The following CD164 variants were observed in gnomAD, a reference collection of about 807,000 sequenced individuals.
CD164 encodes CD164 molecule.
Under a neutral mutation model 24.6 loss-of-function variants are expected in CD164, and 11 were observed. That is an observed-to-expected ratio of 0.45 (90% CI 0.28 to 0.74). The LOEUF (loss-of-function observed/expected upper bound fraction) is 0.74, where lower values mean the gene tolerates loss of function less well. Ranked by LOEUF, CD164 falls within the 30% of genes least tolerant of loss-of-function variation. The probability of loss-of-function intolerance (pLI) is 0.13; values close to 1 mark genes in which losing one functional copy is unlikely to be tolerated. For synonymous variants in CD164, 126 were observed against 100.3 expected (o/e 1.26, Z -1.53); for missense variants, 295 against 243.7 (o/e 1.21, Z -1.40).
In CD164 at chr6:109,379,559, G is replaced by A. The variant is rs142190227; in HGVS notation, c.259+20C>T. 4 of 1,549,386 alleles carry A rather than the reference G, an allele frequency of 2.6e-6. No homozygotes were observed. Among genetic ancestry groups the A allele is most frequent in the Non-Finnish European group, 3.5e-6 (4 of 1,130,372 alleles). The stretch of plus-strand genomic sequence containing the variant: ...TAAAATGCTATAACAAAACAGTTTT[G>A]CATCCCCAAAGTTTCTTACCTTTAC... On this transcript the variant is annotated intron_variant, in intron 2 of 5. Transcript: ENST00000310786.
At chr6:109,375,882 T>C (rs1771377597) in intron 4 of CD164, 192 bp downstream of exon 4, 4 of 538,630 alleles carry the variant, frequency 7.4e-6, no homozygotes, top group Admixed American at 7.9e-5. Context: ...TCACCGACTA[T>C]AAAACACTGG....
intron 4 of CD164, chr6:109,372,300 A>G (rs1413140208): frequency 6.6e-6 from 1 of 152,190 alleles, no homozygotes; most frequent in African/African-American, 2.4e-5. Flanking sequence ...AAATACCTGA[A>G]TTGTTGCTAA....
At chr6:109,381,148 T>C (rs1332492176) in intron 1 of CD164, among the ~76,000 whole-genome samples, 2 of 152,236 alleles carry the variant, frequency 1.3e-5, no homozygotes. Flanking sequence ...TAACCAATCA[T>C]ACGAGACTGC....
At position 109,369,351 on chromosome 6, in the gene CD164, G is replaced by T. The variant is rs577085903; in HGVS notation, c.428-334C>A. 4.9e-4 allele frequency among the ~76,000 whole-genome samples: 75 copies of T among 152,292 alleles called. No individual in the cohort carries two copies. In the South Asian group the frequency reaches 0.013, roughly 26 times the overall value. ...TCAGACTATGTACTTTTAGTTAATT[G>T]TGAGTGTAAACGTCAATAGTGCTGA... On this transcript the variant is annotated intron_variant, in intron 5 of 5. Transcript: ENST00000310786.
Position 109,367,004 on chromosome 6 carries a change from T to G in CD164, c.*1847A>C, listed in dbSNP as rs2115133995. On this transcript the variant is annotated 3_prime_UTR_variant, in exon 6 of 6. Transcript: ENST00000310786. ...GACAATTACATCAGTATAGCTAATT[T>G]TTGCCACCTTGGGAGGAATGGAATT... 1 of 152,418 alleles carries G rather than the reference T, an allele frequency of 6.6e-6. No individual in the cohort carries two copies. Among genetic ancestry groups the G allele is most frequent in the Non-Finnish European group, 1.5e-5 (1 of 68,014 alleles). The allele number at this position is 152,418 out of a possible 1,614,324, so 9.4% of individuals were successfully genotyped here. A position where few individuals can be genotyped will look rare whatever the true frequency, so the allele number is the denominator to read the frequency against.
chr6:109,379,208 G>C (rs1562243066), intron 2 of CD164, among the ~76,000 whole-genome samples: 1 of 152,106 alleles, frequency 6.6e-6, no homozygotes, highest in African/African-American at 2.4e-5. Flanking sequence ...TCAATCCTTA[G>C]AACAGGCTTT....
Position 109,382,425 on chromosome 6 carries a change from C to CT in CD164, c.-48dup. 2 of 1,458,172 alleles carry CT rather than the reference C, an allele frequency of 1.4e-6. No homozygotes were observed. The highest frequency in any genetic ancestry group is 1.8e-6 in the Non-Finnish European group (2 of 1,099,218). 90.3% of individuals were successfully genotyped at this position (1,458,172 alleles called of 1,614,324 possible). Reference sequence around the variant, plus strand: ...CGGGAGAAAGCTAAGGCTCGCAACGCTCAGTCAACCCCTCAATCCCCTGCG... The same window carrying CT: ...CGGGAGAAAGCTAAGGCTCGCAACGCTTCAGTCAACCCCTCAATCCCCTGCG... On this transcript the variant is annotated 5_prime_UTR_variant, in exon 1 of 6. Coordinates refer to ENST00000310786, the MANE Select transcript of CD164 (RefSeq NM_006016.6).
At chr6:109,373,599 C>A (rs78529871) in intron 4 of CD164, among the ~76,000 whole-genome samples, 1 of 152,194 alleles carries the variant, frequency 6.6e-6, no homozygotes, top group Non-Finnish European at 1.5e-5. Flanking sequence ...CAAGAGTGAA[C>A]CCAGTTCTCA....
chr6:109,381,073 A>G (rs1394399144), intron 1 of CD164, among the ~76,000 whole-genome samples: 1 of 152,258 alleles, frequency 6.6e-6, no homozygotes, highest in Non-Finnish European at 1.5e-5. Flanking sequence ...ACACTTCGGC[A>G]TTCTTCGGTC....
chr6:109,378,125 C>T (rs1335926289), intron 2 of CD164, among the ~76,000 whole-genome samples, 154 bp from the exon 3 acceptor site: 1 of 152,190 alleles, frequency 6.6e-6, no homozygotes, highest in Non-Finnish European at 1.5e-5. Flanking sequence ...GTTAAACCCA[C>T]AGACCAAACC....
At chr6:109,373,144 T>G (rs570176287) in intron 4 of CD164, among the ~76,000 whole-genome samples, 2 of 152,164 alleles carry the variant, frequency 1.3e-5, no homozygotes, top group South Asian at 4.1e-4. Flanking sequence ...CCCATCAGAG[T>G]AACAGGTTAC....
At chr6:109,375,381 C>G (rs1284330640) in intron 4 of CD164, among the ~76,000 whole-genome samples, 2 of 151,838 alleles carry the variant, frequency 1.3e-5, no homozygotes, top group Admixed American at 6.6e-5. Context: ...CTTTGGGAGT[C>G]TGAGGTAGGC....
chr6:109,380,619 AAAAAC>A (rs1376313255), intron 1 of CD164: 1 of 152,266 alleles, frequency 6.6e-6, no homozygotes, highest in Non-Finnish European at 1.5e-5. Context: ...CATGCTGTTT[AAAAAC>A]CTTTGTGCTT....
At chr6:109,374,700 G>T (rs1771295860) in intron 4 of CD164, among the ~76,000 whole-genome samples, 1 of 152,252 alleles carries the variant, frequency 6.6e-6, no homozygotes, top group South Asian at 2.1e-4. Flanking sequence ...TGAGCAACTG[G>T]TGATGGACCA....
In CD164 at chr6:109,368,461, C is replaced by A; in HGVS notation, c.*390G>T. ...CCACCTAATTGATTCTCATTTGGCACGTTCTTCTCAATTCTGTTCACTAAA... is the reference window on the plus strand; with the variant it reads ...CCACCTAATTGATTCTCATTTGGCAAGTTCTTCTCAATTCTGTTCACTAAA... On this transcript the variant is annotated 3_prime_UTR_variant, in exon 6 of 6. Transcript: ENST00000310786. 1 of 1,385,390 alleles carries A rather than the reference C, an allele frequency of 7.2e-7. No individual in the cohort carries two copies. Among genetic ancestry groups the A allele is most frequent in the Non-Finnish European group, 9.3e-7 (1 of 1,073,896 alleles). 85.8% of individuals were successfully genotyped at this position (1,385,390 alleles called of 1,614,324 possible). A position where few individuals can be genotyped will look rare whatever the true frequency, so the allele number is the denominator to read the frequency against.
chr6:109,382,455 C>T lies in CD164; in HGVS notation c.-77G>A, dbSNP rs949038324. 1.5e-6 allele frequency: 2 copies of T among 1,336,594 alleles called. No individual in the cohort carries two copies. The highest frequency in any genetic ancestry group is 1.6e-5 in the South Asian group (1 of 60,944). The allele number at this position is 1,336,594 out of a possible 1,614,324, so 82.8% of individuals were successfully genotyped here. A position where few individuals can be genotyped will look rare whatever the true frequency, so the allele number is the denominator to read the frequency against. On this transcript the variant is annotated 5_prime_UTR_variant, in exon 1 of 6. Transcript: ENST00000310786. ...TCAACCCCTCAATCCCCTGCGGCGC[C>T]GCCTCCGAGACTACGCTCCCCCGCG... is the stretch of plus-strand genomic sequence containing the variant.
intron 1 of CD164, among the ~76,000 whole-genome samples, chr6:109,381,117 CT>C (rs2115173199): frequency 6.6e-6 from 1 of 152,356 alleles, no homozygotes; most frequent in South Asian, 2.1e-4. Context: ...AACATTACTC[CT>C]TAACTAATGT....
chr6:109,369,802 G>A (rs532843004), intron 5 of CD164, among the ~76,000 whole-genome samples: 1 of 152,198 alleles, frequency 6.6e-6, no homozygotes, highest in Non-Finnish European at 1.5e-5. Context: ...ACAAAAAGCA[G>A]GTAGAAGATT....
chr6:109,370,457 T>G lies in CD164; in HGVS notation c.381A>C (p.Thr127=). 7 of 1,612,578 alleles carry G rather than the reference T, an allele frequency of 4.3e-6. No individual in the cohort carries two copies. Among genetic ancestry groups the G allele is most frequent in the Non-Finnish European group, 5.9e-6 (7 of 1,179,210 alleles). ...AAGTTGTAGAAGGGGAGGGCTGAAC[T>G]GTGGGTTTAGCTGGAATGAAAACAA... The part of the protein sequence containing the change: ...VPTANSTAKP[T]VQPSPSTTSK... Residue 127 remains threonine, a synonymous_variant, in exon 5 of 6, where the codon ACA becomes ACC. Coordinates refer to ENST00000310786, the MANE Select transcript of CD164 (RefSeq NM_006016.6).
Sources: gnomAD v4.1 joint callset for allele counts (sites outside exome capture counted in the v4.1 genomes callset) on GRCh38, gnomAD v4.1.1 for gene constraint, MANE v1.5 for transcripts, NCBI Gene and HGNC (gene_info 2026-07-23, HGNC 2026-07-21) for gene names.